The following HHAT variants were observed in gnomAD, a reference collection of about 807,000 sequenced individuals.
HHAT encodes hedgehog acyltransferase.
Under a neutral mutation model 70.8 loss-of-function variants are expected in HHAT, and 47 were observed. The observed-to-expected ratio is 0.66, with a 90% CI of 0.53 to 0.85. HHAT has a LOEUF of 0.85. HHAT is among the 40% of genes least tolerant of loss of function. The pLI is 0.00. For synonymous variants in HHAT, 228 were observed against 247.6 expected (o/e 0.92, Z 0.74); for missense variants, 609 against 604.8 (o/e 1.01, Z -0.07).
intron 7 of HHAT, among the ~76,000 whole-genome samples, chr1:210,443,081 G>A (rs1489244738): frequency 6.6e-6 from 1 of 152,158 alleles, no homozygotes; most frequent in Non-Finnish European, 1.5e-5. Flanking sequence ...AGTTTTCCCA[G>A]CACCATTTAT....
intron 8 of HHAT, among the ~76,000 whole-genome samples, chr1:210,497,166 A>G (rs954697842): frequency 3.9e-5 from 6 of 152,188 alleles, no homozygotes; most frequent in Non-Finnish European, 7.3e-5. Flanking sequence ...GAGAATAGGG[A>G]TTATTAGAAA....
intron 11 of HHAT, among the ~76,000 whole-genome samples, chr1:210,671,651 A>G (rs1680107272): frequency 6.6e-6 from 1 of 152,200 alleles, no homozygotes; most frequent in African/African-American, 2.4e-5. Context: ...CCATAAGCCA[A>G]GGGATCCTAG....
intron 11 of HHAT, among the ~76,000 whole-genome samples, chr1:210,673,539 T>G (rs1206199240): frequency 2.0e-5 from 3 of 151,824 alleles, no homozygotes; most frequent in Non-Finnish European, 4.4e-5. Context: ...CATGGACTTT[T>G]TTCCTTTTTC....
chr1:210,581,833 C>T (rs548149598), intron 9 of HHAT, among the ~76,000 whole-genome samples: 75 of 152,214 alleles, frequency 4.9e-4, no homozygotes, highest in African/African-American at 1.8e-3. Context: ...CAATTTTTAA[C>T]AAGTTTAAAA....
intron 11 of HHAT, among the ~76,000 whole-genome samples, chr1:210,639,402 C>T (rs1672553361): frequency 6.6e-6 from 1 of 152,230 alleles, no homozygotes; most frequent in Admixed American, 6.5e-5. Context: ...TGACTTGCCA[C>T]TTAGCATAAG....
chr1:210,598,392 G>GT (rs1663504106), intron 10 of HHAT, among the ~76,000 whole-genome samples: 1 of 152,118 alleles, frequency 6.6e-6, no homozygotes, highest in African/African-American at 2.4e-5. Context: ...GTTGAGCAAA[G>GT]TATGAGGACT....
chr1:210,660,826 A>G (rs1326047537), intron 11 of HHAT, among the ~76,000 whole-genome samples: 2 of 152,220 alleles, frequency 1.3e-5, no homozygotes, highest in Admixed American at 6.5e-5. Flanking sequence ...AGGATTCCCT[A>G]TTTAATAAAT....
chr1:210,386,230 C>CTTTTTTTTTTTTTTTTTTT lies in HHAT; in HGVS notation c.160-1230_160-1212dup, dbSNP rs869305965. On this transcript the variant is annotated intron_variant, in intron 3 of 11. Transcript: ENST00000261458. ...ATTGCAGGAGTCCTTTTCTTTTTTTCTTTTTTTTTTTTTTTTTTTTTTTTT... is the reference window on the plus strand; with the variant it reads ...ATTGCAGGAGTCCTTTTCTTTTTTTCTTTTTTTTTTTTTTTTTTTTTTTTTTTTTTTTTTTTTTTTTTTT... Among the ~76,000 whole-genome samples the CTTTTTTTTTTTTTTTTTTT allele has an allele frequency of 7.3e-4, 51 of 69,924 alleles. 3 individuals are homozygous for CTTTTTTTTTTTTTTTTTTT. Among genetic ancestry groups the CTTTTTTTTTTTTTTTTTTT allele is most frequent in the African/African-American group, 1.6e-3 (26 of 16,046 alleles). The allele number at this position is 69,924 out of a possible 152,430, so 45.9% of individuals were successfully genotyped here.
chr1:210,404,594 C>T lies in HHAT; in HGVS notation c.599C>T (p.Ser200Phe), dbSNP rs781614202. ...QQLPAASTSY[S>F]FPWMLAYVFY... ...CTGCCTGCTGCATCGACCTCCTACT[C>T]CTTTCCCTGGATGCTGGCCTATGTC... The change falls in exon 6 of 12, where the codon TCC becomes TTC. Residue 200 changes from serine (S) to phenylalanine (F), a missense_variant. Coordinates refer to ENST00000261458, the MANE Select transcript of HHAT (RefSeq NM_018194.6). 10 of 1,614,036 alleles carry T rather than the reference C, an allele frequency of 6.2e-6. No individual in the cohort carries two copies. The highest frequency in any genetic ancestry group is 2.7e-5 in the African/African-American group (2 of 74,920).
At chr1:210,458,187 G>A (rs921524016) in intron 7 of HHAT, among the ~76,000 whole-genome samples, 12 of 152,156 alleles carry the variant, frequency 7.9e-5, no homozygotes, top group South Asian at 2.1e-4. Context: ...GGCTTGTGAA[G>A]GTCACTTAAT....
intron 9 of HHAT, among the ~76,000 whole-genome samples, chr1:210,538,748 G>T (rs2095399818): frequency 6.6e-6 from 1 of 152,140 alleles, no homozygotes; most frequent in Non-Finnish European, 1.5e-5. Flanking sequence ...AGCTGTCCTG[G>T]ATTTAAAAGG....
At position 210,329,196 on chromosome 1, in the gene HHAT, C is replaced by T. The variant is rs976122720; in HGVS notation, c.-44+92C>T. On this transcript the variant is annotated intron_variant, in intron 1 of 11. Coordinates refer to ENST00000261458, the MANE Select transcript of HHAT (RefSeq NM_018194.6). ...TCTGTTAAAAAAAAAATGCACAAAA[C>T]GCTTTCCGTTTCCTACCCAAGTTCC... 16 of 1,222,890 alleles carry T rather than the reference C, an allele frequency of 1.3e-5. No homozygotes were observed. In the African/African-American group the frequency reaches 1.9e-4, roughly 14 times the overall value. The allele number at this position is 1,222,890 out of a possible 1,614,324, so 75.8% of individuals were successfully genotyped here.
intron 8 of HHAT, among the ~76,000 whole-genome samples, chr1:210,471,645 T>C (rs903637633): frequency 6.6e-6 from 1 of 152,090 alleles, no homozygotes; most frequent in African/African-American, 2.4e-5. Flanking sequence ...GTAATAATAA[T>C]CGTAATAATA....
intron 9 of HHAT, among the ~76,000 whole-genome samples, chr1:210,516,926 TG>T (rs1364288014): frequency 6.6e-6 from 1 of 152,214 alleles, no homozygotes; most frequent in Non-Finnish European, 1.5e-5. Context: ...CACTGAGCCA[TG>T]GGGGCAGGAA....
intron 1 of HHAT, among the ~76,000 whole-genome samples, chr1:210,347,043 G>A (rs533037856): frequency 6.6e-6 from 1 of 152,090 alleles, no homozygotes; most frequent in African/African-American, 2.4e-5. Flanking sequence ...GAACATTTAA[G>A]ATCTACTCTT....
At chr1:210,519,717 A>G (rs563865101) in intron 9 of HHAT, among the ~76,000 whole-genome samples, 1 of 151,568 alleles carries the variant, frequency 6.6e-6, no homozygotes, top group Non-Finnish European at 1.5e-5. Flanking sequence ...TGGTAGAGAC[A>G]AGGTCCTACT....
chr1:210,633,313 C>T (rs1300117506), intron 11 of HHAT, among the ~76,000 whole-genome samples: 1 of 152,182 alleles, frequency 6.6e-6, no homozygotes, highest in African/African-American at 2.4e-5. Context: ...TGGGCATGGG[C>T]CCTAGGACAG....
chr1:210,657,968 T>G (rs2148952156), intron 11 of HHAT, among the ~76,000 whole-genome samples: 1 of 152,334 alleles, frequency 6.6e-6, no homozygotes, highest in East Asian at 1.9e-4. Context: ...TTGCCACAAC[T>G]ATTATTTTTA....
rs892983704 is a variant in HHAT at position 210,442,981 on chromosome 1, T to G, written c.857-21524T>G. Among the ~76,000 whole-genome samples, 5 of 152,298 alleles carry G rather than the reference T, an allele frequency of 3.3e-5. No homozygotes were observed. The East Asian group carries it at 7.7e-4, about 24-fold the overall frequency. On this transcript the variant is annotated intron_variant, in intron 7 of 11. Coordinates refer to ENST00000261458, the MANE Select transcript of HHAT (RefSeq NM_018194.6). ...GTTTTCTTCTAGGGTTTTTATGGTT[T>G]TAGGTCTAACATTTAAGTCTTTAAT...
Sources: gnomAD v4.1 joint callset for allele counts (sites outside exome capture counted in the v4.1 genomes callset) on GRCh38, gnomAD v4.1.1 for gene constraint, MANE v1.5 for transcripts, NCBI Gene and HGNC (gene_info 2026-07-23, HGNC 2026-07-21) for gene names.